The following ERFL variants were observed in gnomAD, a reference collection of about 807,000 sequenced individuals.
ERFL encodes ETS repressor factor like, also known as ETS domain-containing transcription factor ERF-like.
In ERFL, 8 loss-of-function variants were observed where a neutral mutation model predicts 27.9. The observed-to-expected ratio is 0.29, with a 90% confidence interval of 0.17 to 0.52. The LOEUF is 0.52. Ranked by LOEUF, ERFL falls within the 20% of genes least tolerant of loss-of-function variation. The probability of loss-of-function intolerance (pLI) is 0.97; values close to 1 mark genes in which losing one functional copy is unlikely to be tolerated. For missense variants in ERFL, 294 were observed against 444.4 expected (o/e 0.66, Z 3.04); for synonymous variants, 174 against 202.8 (o/e 0.86, Z 1.21).
At position 41,917,298 on chromosome 19, in the gene ERFL, C is replaced by G. The variant is rs766828640; in HGVS notation, c.-13-4366G>C. Reference sequence around the variant, plus strand: ...TCTGTCTCTCTCTGTCTCTGTCCCTCTCTGTCTCTGAGCTCTCTGTCATCT... The same window carrying G: ...TCTGTCTCTCTCTGTCTCTGTCCCTGTCTGTCTCTGAGCTCTCTGTCATCT... On this transcript the variant is annotated intron_variant, in intron 1 of 5. Transcript: ENST00000597630. The surrounding 1 kb of genome is among the most constrained non-coding windows in gnomAD (Gnocchi z 4.8). Among the ~76,000 whole-genome samples the G allele has an allele frequency of 6.6e-6, 1 of 152,114 alleles. No homozygotes were observed. The highest frequency in any genetic ancestry group is 6.5e-5 in the Admixed American group (1 of 15,280).
chr19:41,915,292 C>T (rs1466916873), intron 1 of ERFL, among the ~76,000 whole-genome samples: 1 of 151,506 alleles, frequency 6.6e-6, no homozygotes, highest in African/African-American at 2.4e-5. Context: ...GTGTCTCACA[C>T]GCGTCTCTGC....
intron 1 of ERFL, among the ~76,000 whole-genome samples, chr19:41,915,240 T>TCC (rs1555851867): frequency 6.8e-6 from 1 of 147,944 alleles, no homozygotes; most frequent in African/African-American, 2.5e-5. Flanking sequence ...CGAGGAGCCG[T>TCC]GGGATCGGCG....
Position 41,908,573 on chromosome 19 carries a change from G to A in ERFL, c.720C>T (p.Pro240=). 1 of 1,231,808 alleles carries A rather than the reference G, an allele frequency of 8.1e-7. No homozygotes were observed. Among genetic ancestry groups the A allele is most frequent in the South Asian group, 4.1e-5 (1 of 24,330 alleles). The allele number at this position is 1,231,808 out of a possible 1,614,324, so 76.3% of individuals were successfully genotyped here. The stretch of plus-strand genomic sequence containing the variant: ...GGGGGTAGAGAGAGGGAGGCAGCTT[G>A]GGGAAGGGGCCCGTGAGGTACGGGT... ...NFNPYLTGPF[P]KLPPSLYPPH... is the part of the protein sequence containing the mutation. The change falls in exon 6 of 6, where the codon CCC becomes CCT. Residue 240 remains proline, a synonymous_variant. Coordinates refer to ENST00000597630, the MANE Select transcript of ERFL (RefSeq NM_001365103.2). The surrounding 1 kb of genome is among the most constrained non-coding windows in gnomAD (Gnocchi z 6.7).
At chr19:41,923,605 GGAAAT>G in intron 1 of ERFL, among the ~76,000 whole-genome samples, 2 of 136,920 alleles carry the variant, frequency 1.5e-5, no homozygotes, top group Middle Eastern at 3.4e-3. Flanking sequence ...AATGGAGAAA[GGAAAT>G]GAAAGTGAGG....
At chr19:41,912,036 C>G (rs2074755417) in intron 2 of ERFL, among the ~76,000 whole-genome samples, 1 of 152,092 alleles carries the variant, frequency 6.6e-6, no homozygotes, top group African/African-American at 2.4e-5. Context: ...CCGAGACAGA[C>G]CGCAAGAAAC....
chr19:41,907,715 G>GTTCTT lies in ERFL; in HGVS notation c.*508_*512dup. ...CTGGGCACCCCGAGTCTCACTCTCT[G>GTTCTT]TTCTTTTATTTCTGTAGTAAACTCT... On this transcript the variant is annotated 3_prime_UTR_variant, in exon 6 of 6. Transcript: ENST00000597630. 1 of 279,870 alleles carries GTTCTT rather than the reference G, an allele frequency of 3.6e-6. No individual in the cohort carries two copies. The highest frequency in any genetic ancestry group is 6.6e-6 in the Non-Finnish European group (1 of 150,636). 17.3% of individuals were successfully genotyped at this position (279,870 alleles called of 1,614,324 possible).
intron 1 of ERFL, among the ~76,000 whole-genome samples, chr19:41,925,253 C>A (rs2074864620): frequency 6.6e-6 from 1 of 151,958 alleles, no homozygotes; most frequent in Non-Finnish European, 1.5e-5. Context: ...TGAGGAATGG[C>A]AGGTGCAGGG....
chr19:41,913,389 C>G (rs1352615324), intron 1 of ERFL, among the ~76,000 whole-genome samples: 2 of 151,914 alleles, frequency 1.3e-5, no homozygotes, highest in African/African-American at 4.8e-5. Context: ...GTCTCTCTCT[C>G]TGGCTGCCCC....
chr19:41,914,550 CT>C (rs1333319919), intron 1 of ERFL, among the ~76,000 whole-genome samples: 3 of 128,042 alleles, frequency 2.3e-5, no homozygotes, highest in African/African-American at 8.6e-5. Flanking sequence ...CCGTCTTTCC[CT>C]CCCCTTCCAC....
In ERFL at chr19:41,923,865, AG is replaced by A. The variant is rs1462932154; in HGVS notation, c.-14+4174del. Among the ~76,000 whole-genome samples, 10 of 22,902 alleles carry A rather than the reference AG, an allele frequency of 4.4e-4. No individual in the cohort carries two copies. In the South Asian group the frequency reaches 0.036, roughly 82 times the overall value. 15.0% of individuals were successfully genotyped at this position (22,902 alleles called of 152,430 possible). On this transcript the variant is annotated intron_variant, in intron 1 of 5. Coordinates refer to ENST00000597630, the MANE Select transcript of ERFL (RefSeq NM_001365103.2). ...TCTGGGGAGGCAGGGGTGTGCTGGG[AG>A]GGGGCTGTGCTGGGGGGTGGTAGGG...
intron 1 of ERFL, among the ~76,000 whole-genome samples, chr19:41,914,135 G>C (rs1339260124): frequency 8.8e-6 from 1 of 113,036 alleles, no homozygotes; most frequent in African/African-American, 3.5e-5. Flanking sequence ...AGACTCGCCC[G>C]GTCTCCCCAC....
Position 41,921,734 on chromosome 19 carries a change from G to T in ERFL, c.-14+6306C>A, listed in dbSNP as rs574243711. Among the ~76,000 whole-genome samples the T allele has an allele frequency of 3.9e-5, 6 of 152,194 alleles. No individual in the cohort carries two copies. The East Asian group carries it at 1.2e-3, about 29-fold the overall frequency. On this transcript the variant is annotated intron_variant, in intron 1 of 5. Transcript: ENST00000597630. The surrounding 1 kb of genome is among the most constrained non-coding windows in gnomAD (Gnocchi z 4.4). ...AGGCGAGCCCGGCCCTGGAGGTGGA[G>T]TGGAAGGCTCAGGTGTAGGCCGGGT...
intron 1 of ERFL, among the ~76,000 whole-genome samples, chr19:41,924,226 G>T (rs2074858959): frequency 6.6e-6 from 1 of 151,896 alleles, no homozygotes; most frequent in South Asian, 2.1e-4. Context: ...GAGGGAGGAG[G>T]TCACCTGAGG....
intron 1 of ERFL, among the ~76,000 whole-genome samples, chr19:41,925,743 C>G (rs1449304347): frequency 6.6e-6 from 1 of 152,004 alleles, no homozygotes; most frequent in Non-Finnish European, 1.5e-5. Flanking sequence ...GTCAGTGTAC[C>G]TTGGAAGTCA....
At chr19:41,915,295 G>A (rs138732381) in intron 1 of ERFL, among the ~76,000 whole-genome samples, 1,647 of 151,400 alleles carry the variant, frequency 0.011, 20 homozygotes, top group Non-Finnish European at 0.014. Flanking sequence ...TCTCACACGC[G>A]TCTCTGCCAT....
chr19:41,913,010 C>T (rs2074762998), intron 1 of ERFL, 78 bp from the exon 2 acceptor site: 3 of 592,870 alleles, frequency 5.1e-6, no homozygotes, highest in Non-Finnish European at 7.4e-6. Context: ...GGGCGCTGCC[C>T]GGGGCCTTCC....
chr19:41,922,591 GGAGA>G (rs1599680143), intron 1 of ERFL, among the ~76,000 whole-genome samples: 1 of 152,156 alleles, frequency 6.6e-6, no homozygotes, highest in Non-Finnish European at 1.5e-5. Flanking sequence ...ACTGGGAACC[GGAGA>G]GAGACTCCGA....
chr19:41,926,724 C>T (rs950297335), intron 1 of ERFL, among the ~76,000 whole-genome samples: 2 of 147,258 alleles, frequency 1.4e-5, no homozygotes, highest in Admixed American at 6.7e-5. Flanking sequence ...GAGGGGGGAG[C>T]GGGCGGGGGG....
intron 1 of ERFL, among the ~76,000 whole-genome samples, chr19:41,926,402 A>T (rs913736595): frequency 2.0e-5 from 3 of 151,988 alleles, no homozygotes; most frequent in Admixed American, 1.3e-4. Flanking sequence ...AGATTTGGGG[A>T]GTTGAAGGGG....
Sources: gnomAD v4.1 joint callset for allele counts (sites outside exome capture counted in the v4.1 genomes callset) on GRCh38, gnomAD v4.1.1 for gene constraint, Gnocchi (gnomAD v3.1) non-coding constraint, MANE v1.5 for transcripts, NCBI Gene and HGNC (gene_info 2026-07-23, HGNC 2026-07-21) for gene names.